SEMA5B: variants seen among roughly 807,000 people sequenced by gnomAD.
The protein encoded by SEMA5B is semaphorin 5B, also known as semaphorin-5B.
A neutral mutation model predicts 135.0 loss-of-function variants in SEMA5B; 66 were observed. That is an observed-to-expected ratio of 0.49 (90% confidence interval 0.40 to 0.60). SEMA5B has a LOEUF of 0.60. Among genes scored for constraint, SEMA5B ranks in the 20% least tolerant of loss-of-function variants. SEMA5B has a pLI of 0.00. For missense variants in SEMA5B, 1,501 were observed against 1,566.3 expected (o/e 0.96, Z 0.70); for synonymous variants, 690 against 639.5 (o/e 1.08, Z -1.19).
intron 10 of SEMA5B, among the ~76,000 whole-genome samples, chr3:122,922,858 C>A (rs1038105008): frequency 3.0e-5 from 4 of 133,528 alleles, no homozygotes; most frequent in African/African-American, 1.1e-4. Context: ...CTTATGATTT[C>A]TAAACCAAAG....
intron 1 of SEMA5B, among the ~76,000 whole-genome samples, chr3:122,967,051 A>ATT (rs1940883849): frequency 6.7e-6 from 1 of 149,130 alleles, no homozygotes; most frequent in Middle Eastern, 3.5e-3. Context: ...CATCCGGTTA[A>ATT]TTTTGTATTT....
rs759630735 is a variant in SEMA5B at position 122,926,656 on chromosome 3, T to G, written c.872A>C (p.Tyr291Ser). The G allele has an allele frequency of 1.9e-6, 3 of 1,611,580 alleles. No individual in the cohort carries two copies. The highest frequency in any genetic ancestry group is 2.5e-6 in the Non-Finnish European group (3 of 1,177,836). Residue 291 changes from tyrosine (Y) to serine (S), a missense_variant, in exon 9 of 23, where the codon TAT becomes TCT. Physicochemically the swap from Tyr to Ser is moderately radical, Grantham distance 144 (BLOSUM62 -2). Transcript: ENST00000357599. ...GAAGTATGCAAACAGCCCAATATCATAGGCTGCCACGAAGTTTGGCTCTGG... is the reference window on the plus strand; with the variant it reads ...GAAGTATGCAAACAGCCCAATATCAGAGGCTGCCACGAAGTTTGGCTCTGG... ...WLNEPNFVAA[Y>S]DIGLFAYFFL...
rs1225201520 is a variant in SEMA5B, at chr3:122,961,222, G to A, written c.42C>T (p.Leu14=). 8.1e-6 allele frequency: 13 copies of A among 1,613,920 alleles called. No individual in the cohort carries two copies. The highest frequency in any genetic ancestry group is 1.3e-5 in the African/African-American group (1 of 74,918). Residue 14 remains leucine, a synonymous_variant, in exon 2 of 23, where the codon CTC becomes CTT. Transcript: ENST00000357599. ...GFSPSPVAHH[L]VPGPPDTPAQ... ...CTGGGGTATCAGGCGGCCCAGGGAC[G>A]AGGTGGTGGGCAACAGGAGACGGAC...
intron 1 of SEMA5B, among the ~76,000 whole-genome samples, chr3:122,977,193 C>T (rs1219114070): frequency 6.6e-6 from 1 of 152,152 alleles, no homozygotes; most frequent in African/African-American, 2.4e-5. Context: ...CCTTCCTGTC[C>T]CACTCTTACA....
intron 1 of SEMA5B, among the ~76,000 whole-genome samples, chr3:122,986,654 C>A (rs902269012): frequency 2.0e-5 from 3 of 150,528 alleles, no homozygotes; most frequent in Non-Finnish European, 4.4e-5. Context: ...CTTCCCTCTA[C>A]TTCCCTGCAA....
At chr3:122,992,271 C>T (rs894813734) in intron 1 of SEMA5B, among the ~76,000 whole-genome samples, 1 of 152,214 alleles carries the variant, frequency 6.6e-6, no homozygotes, top group Admixed American at 6.5e-5. Flanking sequence ...GGGTCAGGGG[C>T]TCCAGGGCAA....
intron 3 of SEMA5B, among the ~76,000 whole-genome samples, chr3:122,945,093 T>C (rs1263569703): frequency 6.6e-6 from 1 of 152,182 alleles, no homozygotes; most frequent in Non-Finnish European, 1.5e-5. Flanking sequence ...AAAGCAGCCC[T>C]TCATTTCTGC....
chr3:122,973,575 A>T lies in SEMA5B; in HGVS notation c.-38-12274T>A, dbSNP rs183118471. Among the ~76,000 whole-genome samples, 148 of 152,318 alleles carry T rather than the reference A, an allele frequency of 9.7e-4. 1 individual carries two copies. The highest frequency in any genetic ancestry group is 1.3e-4 in the Non-Finnish European group (9 of 68,030). ...TTCATCTGTGAAGGTCGTGAAATGG[A>T]CAGAGTTTTGTTCCTTTTGGTTTAT... On this transcript the variant is annotated intron_variant, in intron 1 of 22. Transcript: ENST00000357599.
Position 122,912,351 on chromosome 3 carries a change from G to A in SEMA5B, c.2726-9C>T. On this transcript the variant is annotated splice_polypyrimidine_tract_variant and intron_variant, in intron 18 of 22. Coordinates refer to ENST00000357599, the MANE Select transcript of SEMA5B (RefSeq NM_001031702.4). Reference sequence around the variant, plus strand: ...GGACCAAGCACCCCGAACTGCAAGGGGACGGGGTGTGTGAGGGGCTGTAGG... The same window carrying A: ...GGACCAAGCACCCCGAACTGCAAGGAGACGGGGTGTGTGAGGGGCTGTAGG... 7 of 1,579,430 alleles carry A rather than the reference G, an allele frequency of 4.4e-6. No individual in the cohort carries two copies. Among genetic ancestry groups the A allele is most frequent in the Non-Finnish European group, 6.0e-6 (7 of 1,162,316 alleles).
chr3:122,919,678 C>CT (rs1938253953), intron 12 of SEMA5B, among the ~76,000 whole-genome samples: 1 of 152,202 alleles, frequency 6.6e-6, no homozygotes, highest in African/African-American at 2.4e-5. Context: ...CTGGGGTACA[C>CT]AGCTTGGTGA....
chr3:123,026,077 G>T (rs1439547613), intron 1 of SEMA5B, among the ~76,000 whole-genome samples: 1 of 152,188 alleles, frequency 6.6e-6, no homozygotes, highest in Non-Finnish European at 1.5e-5. Context: ...GGCAGGGAGG[G>T]CTGTGGAGAG....
chr3:122,973,213 C>G (rs1941192833), intron 1 of SEMA5B, among the ~76,000 whole-genome samples: 1 of 152,222 alleles, frequency 6.6e-6, no homozygotes, highest in South Asian at 2.1e-4. Context: ...TGACTCCAGC[C>G]TGTGTTCAGG....
In SEMA5B at chr3:122,979,953, C is replaced by T. The variant is rs560001568; in HGVS notation, c.-38-18652G>A. Among the ~76,000 whole-genome samples, 4 of 152,300 alleles carry T rather than the reference C, an allele frequency of 2.6e-5. No individual in the cohort carries two copies. The East Asian group carries it at 7.7e-4, about 29-fold the overall frequency. On this transcript the variant is annotated intron_variant, in intron 1 of 22. Transcript: ENST00000357599. The stretch of plus-strand genomic sequence containing the variant: ...CTTGCATATCCAGGGTAAAGTGATG[C>T]TACACTTATTTGGGCCATACGCAAT...
At chr3:122,994,664 A>G (rs6786625) in intron 1 of SEMA5B, among the ~76,000 whole-genome samples, 113,481 of 152,148 alleles carry the variant, frequency 0.75, 43,681 homozygotes, top group African/African-American at 0.93. Flanking sequence ...TAGGCAGCTT[A>G]CTATTGTGGT....
At chr3:122,943,631 G>A in intron 3 of SEMA5B, 96 bp from the exon 4 acceptor site, 1 of 924,760 alleles carries the variant, frequency 1.1e-6, no homozygotes, top group East Asian at 2.6e-5. Context: ...AAAGTCAGGG[G>A]GAAGTGGGGC....
chr3:122,999,981 G>A (rs368483031), intron 1 of SEMA5B, among the ~76,000 whole-genome samples: 9 of 152,212 alleles, frequency 5.9e-5, no homozygotes, highest in African/African-American at 2.2e-4. Flanking sequence ...AGGCTGAGGC[G>A]GGCAGATCAC....
intron 2 of SEMA5B, among the ~76,000 whole-genome samples, chr3:122,953,363 T>A (rs969548913): frequency 6.6e-6 from 1 of 152,218 alleles, no homozygotes; most frequent in African/African-American, 2.4e-5. Context: ...GAGCATATCC[T>A]GGGCCTCTTC....
chr3:122,910,185 C>A lies in SEMA5B; in HGVS notation c.3414G>T (p.Arg1138=), dbSNP rs372122202. The change falls in exon 23 of 23, where the codon CGG becomes CGT. Residue 1138 remains arginine, a synonymous_variant. Transcript: ENST00000357599. ...YPSPLNKHSF[R]PEASPGQRCF... ...ACCGTTGTCCAGGTGAGGCCTCGGG[C>A]CGGAAGCTGTGTTTGTTCAGGGGGC... 24 of 1,614,116 alleles carry A rather than the reference C, an allele frequency of 1.5e-5. No homozygotes were observed. The African/African-American group carries it at 2.8e-4, about 19-fold the overall frequency.
Position 123,023,439 on chromosome 3 carries a change from A to C in SEMA5B, c.-39+4025T>G, listed in dbSNP as rs146942169. Reference sequence around the variant, plus strand: ...GAACCCACTGGGGTTTAGATCTTTAAGTATAAGTAACACTCCCTCCAAGCA... The same window carrying C: ...GAACCCACTGGGGTTTAGATCTTTACGTATAAGTAACACTCCCTCCAAGCA... On this transcript the variant is annotated intron_variant, in intron 1 of 22. Coordinates refer to ENST00000357599, the MANE Select transcript of SEMA5B (RefSeq NM_001031702.4). Among the ~76,000 whole-genome samples the C allele has an allele frequency of 5.5e-4, 84 of 152,210 alleles. 1 individual carries two copies. The highest frequency in any genetic ancestry group is 2.0e-3 in the African/African-American group (83 of 41,554).
Sources: gnomAD v4.1 joint callset for allele counts (sites outside exome capture counted in the v4.1 genomes callset) on GRCh38, gnomAD v4.1.1 for gene constraint, MANE v1.5 for transcripts, NCBI Gene and HGNC (gene_info 2026-07-23, HGNC 2026-07-21) for gene names.